Variants in CACNG7 observed in about 807,000 individuals in gnomAD.
CACNG7 encodes calcium voltage-gated channel auxiliary subunit gamma 7, also known as voltage-dependent calcium channel gamma-7 subunit.
A neutral mutation model predicts 26.3 loss-of-function variants in CACNG7; 9 were observed. That is an observed-to-expected ratio of 0.34 (90% CI 0.21 to 0.60). The LOEUF (loss-of-function observed/expected upper bound fraction) is 0.60. CACNG7 is among the 20% of genes least tolerant of loss of function. The pLI, the probability that CACNG7 is intolerant of heterozygous loss-of-function variation, is 0.81. For synonymous variants in CACNG7, 170 were observed against 157.0 expected (o/e 1.08, Z -0.62); for missense variants, 297 against 380.4 (o/e 0.78, Z 1.82).
chr19:53,934,642 G>T (rs369239781), intron 4 of CACNG7, among the ~76,000 whole-genome samples: 1 of 151,918 alleles, frequency 6.6e-6, no homozygotes, highest in Non-Finnish European at 1.5e-5. Context: ...GTGTGGTGGC[G>T]CATGCCTGTT....
rs545594390 is a variant in CACNG7 at position 53,915,390 on chromosome 19, C to T, written c.309C>T (p.Phe103=). ...AGACAGTGCGCACGGCCACCCCCTT[C>T]CCCATGGTCAGCCTCTTCCTCGTGT... ...ILKTVRTATP[F]PMVSLFLVFT... is the part of the protein sequence containing the mutation. The change falls in exon 4 of 6, where the codon TTC becomes TTT. Residue 103 remains phenylalanine (F), a synonymous_variant. Transcript: ENST00000391767. 72 of 1,613,702 alleles carry T rather than the reference C, an allele frequency of 4.5e-5. 2 individuals are homozygous for T. The South Asian group carries it at 7.2e-4, about 16-fold the overall frequency.
chr19:53,937,632 C>A (rs963747650), intron 4 of CACNG7, among the ~76,000 whole-genome samples: 24 of 142,282 alleles, frequency 1.7e-4, no homozygotes, highest in Non-Finnish European at 3.6e-4. Context: ...CTCTTGTTGC[C>A]CAGGCTGGAG....
Position 53,912,937 on chromosome 19 carries a change from A to G in CACNG7, c.106A>G (p.Met36Val), listed in dbSNP as rs748295737. ...IAVSTDYWLY[M>V]EEGTVLPQNQ... Reference sequence around the variant, plus strand: ...GGTCAGCACTGACTACTGGCTGTACATGGAAGAAGGCACAGTGCTACCGCA... The same window carrying G: ...GGTCAGCACTGACTACTGGCTGTACGTGGAAGAAGGCACAGTGCTACCGCA... The change falls in exon 2 of 6, where the codon ATG becomes GTG. Residue 36 changes from methionine (M) to valine (V), a missense_variant. By Grantham distance (21) the Met-to-Val change is conservative. Transcript: ENST00000391767. This position sits in a 1 kb window ranked among gnomAD's most constrained non-coding sequence, Gnocchi z 4.6. 15 of 1,613,992 alleles carry G rather than the reference A, an allele frequency of 9.3e-6. No homozygotes were observed. The East Asian group carries it at 2.0e-4, about 22-fold the overall frequency.
chr19:53,920,656 G>C (rs1301901333), intron 4 of CACNG7, among the ~76,000 whole-genome samples: 1 of 110,854 alleles, frequency 9.0e-6, no homozygotes, highest in Non-Finnish European at 1.7e-5. Context: ...CCCCAGGCTG[G>C]TCATTGGTGG....
chr19:53,927,723 A>G (rs1257992889), intron 4 of CACNG7, among the ~76,000 whole-genome samples: 1 of 151,982 alleles, frequency 6.6e-6, no homozygotes, highest in Non-Finnish European at 1.5e-5. Flanking sequence ...CTGTAATCCC[A>G]GCTACTCAGG....
chr19:53,942,020 C>T lies in CACNG7; in HGVS notation c.571-16C>T. On this transcript the variant is annotated splice_polypyrimidine_tract_variant and intron_variant, in intron 5 of 5. Transcript: ENST00000391767. This position sits in a 1 kb window ranked among gnomAD's most constrained non-coding sequence, Gnocchi z 5.9. ...CAGGGGGGCGCCCCTGGGACTCTGA[C>T]CTTGCCTTGCCGCAGGGGGCCGGCG... 5.1e-6 allele frequency: 8 copies of T among 1,574,084 alleles called. No homozygotes were observed. Among genetic ancestry groups the T allele is most frequent in the Non-Finnish European group, 6.9e-6 (8 of 1,155,800 alleles).
At chr19:53,929,014 CAGG>C (rs1339035336) in intron 4 of CACNG7, among the ~76,000 whole-genome samples, 2 of 148,374 alleles carry the variant, frequency 1.3e-5, no homozygotes, top group African/African-American at 5.0e-5. Flanking sequence ...GAGGCTGAGG[CAGG>C]AGAATCACTT....
chr19:53,942,001 G>C lies in CACNG7; in HGVS notation c.571-35G>C. 6.5e-7 allele frequency: 1 copy of C among 1,542,716 alleles called. No homozygotes were observed. Among genetic ancestry groups the C allele is most frequent in the South Asian group, 1.2e-5 (1 of 80,680 alleles). ...GTCGGGGTCCGGGGATGCGCAGGGG[G>C]GCGCCCCTGGGACTCTGACCTTGCC... is the stretch of plus-strand genomic sequence containing the variant. On this transcript the variant is annotated intron_variant, in intron 5 of 5. Transcript: ENST00000391767. The surrounding 1 kb of genome is among the most constrained non-coding windows in gnomAD (Gnocchi z 5.9).
intron 4 of CACNG7, among the ~76,000 whole-genome samples, chr19:53,923,906 T>TGGTCATTGGTGGAGTTGCCCCAGGC (rs2068993609): frequency 9.2e-6 from 1 of 109,004 alleles, no homozygotes; most frequent in African/African-American, 4.0e-5. Context: ...TTGCCCCAGG[T>TGGTCATTGGTGGAGTTGCCCCAGGC]CTGGTCATTG....
chr19:53,921,533 TCTGGTCATTGGTGGAGTTGCCCCAGG>T (rs1568774429), intron 4 of CACNG7, among the ~76,000 whole-genome samples: 4 of 116,696 alleles, frequency 3.4e-5, no homozygotes, highest in Non-Finnish European at 5.2e-5. Context: ...TTGCCCCAGG[TCTGGTCATTGGTGGAGTTGCCCCAGG>T]CTGGTCATTG....
At chr19:53,934,777 GATAA>G (rs1485122473) in intron 4 of CACNG7, among the ~76,000 whole-genome samples, 1 of 151,326 alleles carries the variant, frequency 6.6e-6, no homozygotes, top group Admixed American at 6.6e-5. Context: ...CATCTCAATA[GATAA>G]ATAAGTAAAT....
intron 4 of CACNG7, among the ~76,000 whole-genome samples, chr19:53,927,707 A>G (rs536686831): frequency 9.9e-4 from 150 of 152,018 alleles, no homozygotes; most frequent in Middle Eastern, 3.4e-3. Context: ...GCCTGGTGGC[A>G]GGCGCCTGTA....
At chr19:53,932,834 C>CTTTTT (rs534782031) in intron 4 of CACNG7, among the ~76,000 whole-genome samples, 1 of 136,876 alleles carries the variant, frequency 7.3e-6, no homozygotes, top group Non-Finnish European at 1.6e-5. Context: ...TTTCTCTCTC[C>CTTTTT]TTTTTTTTTT....
intron 4 of CACNG7, among the ~76,000 whole-genome samples, chr19:53,935,021 A>T (rs1028967757): frequency 6.6e-6 from 1 of 151,952 alleles, no homozygotes; most frequent in South Asian, 2.1e-4. Context: ...ATCTATATAC[A>T]CATATATGTA....
chr19:53,929,608 C>T lies in CACNG7; in HGVS notation c.425-11862C>T, dbSNP rs969409958. ...AGTAGCTGGGATTACAGGCGCCCGC[C>T]ACCATGCCTGGCTAATTTTTGTATT... On this transcript the variant is annotated intron_variant, in intron 4 of 5. Transcript: ENST00000391767. Among the ~76,000 whole-genome samples the T allele has an allele frequency of 2.4e-4, 36 of 152,144 alleles. 1 individual carries two copies. Among genetic ancestry groups the T allele is most frequent in the Non-Finnish European group, 5.9e-5 (4 of 68,034 alleles).
At chr19:53,933,341 C>A (rs1482828609) in intron 4 of CACNG7, among the ~76,000 whole-genome samples, 1 of 145,704 alleles carries the variant, frequency 6.9e-6, no homozygotes, top group African/African-American at 2.6e-5. Context: ...CGCTCTGTCA[C>A]CAGGCTGGAG....
rs2068868342 is a variant in CACNG7 at position 53,912,716 on chromosome 19, C to T, written c.-29-87C>T. 1.9e-6 allele frequency: 2 copies of T among 1,062,992 alleles called. No individual in the cohort carries two copies. The highest frequency in any genetic ancestry group is 3.2e-5 in the African/African-American group (2 of 63,462). The allele number at this position is 1,062,992 out of a possible 1,614,324, so 65.8% of individuals were successfully genotyped here. On this transcript the variant is annotated intron_variant, in intron 1 of 5. Coordinates refer to ENST00000391767, the MANE Select transcript of CACNG7 (RefSeq NM_031896.5). The surrounding 1 kb of genome is among the most constrained non-coding windows in gnomAD (Gnocchi z 4.6). The stretch of plus-strand genomic sequence containing the variant: ...TCGATTTGGGAGTCAGTGTCTCTGG[C>T]TAGGGCCCAGCATCCCGGGTTGCTG...
In CACNG7 at chr19:53,915,499, C is replaced by T. The variant is rs1341503900; in HGVS notation, c.418C>T (p.Leu140=). The T allele has an allele frequency of 6.2e-7, 1 of 1,614,110 alleles. No individual in the cohort carries two copies. The change falls in exon 4 of 6, where the codon CTA becomes TTA. Residue 140 remains leucine, a synonymous_variant. Coordinates refer to ENST00000391767, the MANE Select transcript of CACNG7 (RefSeq NM_031896.5). The part of the protein sequence containing the change: ...LAFVSGIFFI[L]SGLSLVVGLV... ...TTTTGTCTCTGGCATCTTCTTCATACTATCGGGTGAGCCTAAGGACTTGGG... is the reference window on the plus strand; with the variant it reads ...TTTTGTCTCTGGCATCTTCTTCATATTATCGGGTGAGCCTAAGGACTTGGG...
At chr19:53,919,450 G>T (rs149732607) in intron 4 of CACNG7, among the ~76,000 whole-genome samples, 2 of 149,834 alleles carry the variant, frequency 1.3e-5, no homozygotes, top group Non-Finnish European at 3.0e-5. Context: ...TGGTGGAGTT[G>T]CCCCAGGCTG....
Sources: gnomAD v4.1 joint callset for allele counts (sites outside exome capture counted in the v4.1 genomes callset) on GRCh38, gnomAD v4.1.1 for gene constraint, Gnocchi (gnomAD v3.1) non-coding constraint, MANE v1.5 for transcripts, NCBI Gene and HGNC (gene_info 2026-07-23, HGNC 2026-07-21) for gene names.